STS: variants seen among roughly 807,000 people sequenced by gnomAD.
STS encodes steroid sulfatase.
In STS, 7 loss-of-function variants were observed where a neutral mutation model predicts 26.8. That is an observed-to-expected ratio of 0.26 (90% CI 0.15 to 0.49). The LOEUF is 0.49. Among genes scored for constraint, STS ranks in the 20% least tolerant of loss-of-function variants. STS has a pLI of 0.98. For missense variants in STS, 434 were observed against 465.6 expected (o/e 0.93, Z 0.63); for synonymous variants, 199 against 189.4 (o/e 1.05, Z -0.42).
intron 1 of STS, among the ~76,000 whole-genome samples, chrX:7,177,814 A>AAT (rs1244731103): frequency 2.7e-5 from 3 of 110,307 alleles, no homozygotes; most frequent in African/African-American, 9.9e-5. Context: ...CCCAGCCTTA[A>AAT]ATATATATAT....
rs771271960 is a variant in STS at position 7,325,412 on chromosome X, T to C, written c.1155T>C (p.Ala385=). ...TTCGTTGGCCCAGGGTGATACAGGCTGGCCAGAAGATTGATGAGCCCACTA... is the reference window on the plus strand; with the variant it reads ...TTCGTTGGCCCAGGGTGATACAGGCCGGCCAGAAGATTGATGAGCCCACTA... ...GILRWPRVIQ[A]GQKIDEPTSN... is the part of the protein sequence containing the mutation. Residue 385 remains alanine (A), a synonymous_variant, in exon 9 of 11, where the codon GCT becomes GCC. Transcript: ENST00000674429. 29 of 1,211,501 alleles carry C rather than the reference T, an allele frequency of 2.4e-5. No individual in the cohort carries two copies. Among genetic ancestry groups the C allele is most frequent in the Non-Finnish European group, 3.2e-5 (29 of 895,305 alleles).
At chrX:7,245,078 A>G (rs1363955611) in intron 2 of STS, among the ~76,000 whole-genome samples, 1 of 111,786 alleles carries the variant, frequency 8.9e-6, no homozygotes, top group African/African-American at 3.3e-5. Context: ...TATGAATGCT[A>G]TATGTTGCAC....
intron 2 of STS, among the ~76,000 whole-genome samples, chrX:7,195,787 T>C (rs966794408): frequency 5.3e-5 from 6 of 112,384 alleles, no homozygotes; most frequent in Admixed American, 2.8e-4. Context: ...CACCCACTTC[T>C]GTAAGAACAG....
chrX:7,171,178 T>G (rs868075923), intron 1 of STS, among the ~76,000 whole-genome samples: 1 of 111,874 alleles, frequency 8.9e-6, no homozygotes, highest in Non-Finnish European at 1.9e-5. Context: ...ATAGGGGCAG[T>G]TCGGCCTCCT....
chrX:7,318,223 G>A (rs1304237587), intron 8 of STS, among the ~76,000 whole-genome samples: 2 of 111,752 alleles, frequency 1.8e-5, no homozygotes, highest in African/African-American at 3.3e-5. Flanking sequence ...GAAGCATCCC[G>A]TGTCCACCCT....
chrX:7,163,899 A>G (rs755754934), intron 1 of STS, among the ~76,000 whole-genome samples: 4 of 112,152 alleles, frequency 3.6e-5, no homozygotes, highest in East Asian at 5.6e-4. Flanking sequence ...GCTCACTGCA[A>G]TCTCTGCCTC....
At chrX:7,327,141 G>A (rs903647175) in intron 9 of STS, among the ~76,000 whole-genome samples, 25 of 111,263 alleles carry the variant, frequency 2.2e-4, no homozygotes, top group Non-Finnish European at 3.6e-4. Context: ...CTAATACATC[G>A]ATGATGTCAT....
At chrX:7,325,528 T>C (rs767715863) in intron 9 of STS, 30 bp downstream of exon 9, 3 of 1,207,747 alleles carry the variant, frequency 2.5e-6, no homozygotes, top group Admixed American at 4.3e-5. Flanking sequence ...GTTGGTATTG[T>C]TGAGCTCTGA....
intron 2 of STS, among the ~76,000 whole-genome samples, chrX:7,240,519 GTGTGTGTGTGTGTGTATA>G (rs1282554374): frequency 4.3e-5 from 1 of 23,014 alleles, no homozygotes; most frequent in Admixed American, 6.3e-4. Context: ...GTGTGTGTGT[GTGTGTGTGTGTGTGTATA>G]TATATATATA....
At chrX:7,152,587 G>A (rs1933041897) in intron 1 of STS, among the ~76,000 whole-genome samples, 1 of 112,841 alleles carries the variant, frequency 8.9e-6, no homozygotes, top group African/African-American at 3.2e-5. Context: ...CCAAAGTGCT[G>A]GAAGTACAGG....
At chrX:7,248,081 T>C (rs1358379688) in intron 2 of STS, among the ~76,000 whole-genome samples, 1 of 111,837 alleles carries the variant, frequency 8.9e-6, no homozygotes, top group African/African-American at 3.2e-5. Flanking sequence ...ACCAAAAAAA[T>C]TCTACTTCAA....
chrX:7,249,700 G>A (rs1923044720), intron 2 of STS, among the ~76,000 whole-genome samples: 1 of 111,670 alleles, frequency 9.0e-6, no homozygotes, highest in Non-Finnish European at 1.9e-5. Flanking sequence ...CTGGGTGCTA[G>A]TCTAGATACC....
At chrX:7,218,528 C>T (rs1186934066) in intron 2 of STS, among the ~76,000 whole-genome samples, 1 of 112,167 alleles carries the variant, frequency 8.9e-6, no homozygotes, top group Non-Finnish European at 1.9e-5. Flanking sequence ...CTATGTAATG[C>T]TAAGAATATA....
At position 7,193,481 on chromosome X, in the gene STS, G is replaced by A. The variant is rs747975224; in HGVS notation, c.-5+2473G>A. 9.0e-4 allele frequency among the ~76,000 whole-genome samples: 97 copies of A among 107,336 alleles called. 1 individual carries two copies. Among genetic ancestry groups the A allele is most frequent in the African/African-American group, 2.8e-3 (82 of 29,488 alleles). The allele number at this position is 107,336 out of a possible 115,157, so 93.2% of individuals were successfully genotyped here. On this transcript the variant is annotated intron_variant, in intron 2 of 10. Transcript: ENST00000674429. ...TTTTTTTTCGGTCATTTTAGTCTAC[G>A]GGAGAGATTGACATTCCCTAGATCC... is the stretch of plus-strand genomic sequence containing the variant.
intron 10 of STS, among the ~76,000 whole-genome samples, chrX:7,342,577 C>G (rs1403028969): frequency 8.9e-6 from 1 of 112,475 alleles, no homozygotes; most frequent in Non-Finnish European, 1.9e-5. Flanking sequence ...ACCAGAGCTG[C>G]TTCCTCATCC....
intron 2 of STS, among the ~76,000 whole-genome samples, chrX:7,247,060 T>C (rs1294588794): frequency 8.9e-6 from 1 of 112,449 alleles, no homozygotes; most frequent in Non-Finnish European, 1.9e-5. Flanking sequence ...TATGTGTGTG[T>C]GTGTGTTTTC....
At chrX:7,337,747 A>T (rs755786602) in intron 10 of STS, among the ~76,000 whole-genome samples, 1 of 112,137 alleles carries the variant, frequency 8.9e-6, no homozygotes, top group Non-Finnish European at 1.9e-5. Flanking sequence ...CACCACGGCA[A>T]TTGGCAAACA....
At chrX:7,166,002 CTTTT>C (rs777828028) in intron 1 of STS, among the ~76,000 whole-genome samples, 1 of 93,371 alleles carries the variant, frequency 1.1e-5, no homozygotes, top group African/African-American at 3.9e-5. Context: ...CTGTCGCTGT[CTTTT>C]TTTTTTTTTT....
chrX:7,300,375 T>G (rs1454770228), intron 7 of STS, among the ~76,000 whole-genome samples: 1 of 112,146 alleles, frequency 8.9e-6, no homozygotes, highest in African/African-American at 3.2e-5. Flanking sequence ...CTTGAGAACC[T>G]TCCTGAGAAA....
Sources: gnomAD v4.1 joint callset for allele counts (sites outside exome capture counted in the v4.1 genomes callset) on GRCh38, gnomAD v4.1.1 for gene constraint, MANE v1.5 for transcripts, NCBI Gene and HGNC (gene_info 2026-07-23, HGNC 2026-07-21) for gene names.